The following TBX15 variants were observed in gnomAD, a reference collection of about 807,000 sequenced individuals.
TBX15 encodes T-box transcription factor TBX15.
A neutral mutation model predicts 53.9 loss-of-function variants in TBX15; 18 were observed. The observed-to-expected ratio is 0.33, with a 90% CI of 0.23 to 0.49. The LOEUF (loss-of-function observed/expected upper bound fraction) is 0.49, where lower values mean the gene tolerates loss of function less well. TBX15 is among the 20% of genes least tolerant of loss of function. The probability of loss-of-function intolerance (pLI) is 0.98; values close to 1 mark genes in which losing one functional copy is unlikely to be tolerated. For missense variants in TBX15, 692 were observed against 749.5 expected, an observed-to-expected ratio of 0.92 and a Z score of 0.90; for synonymous variants, 295 against 278.0, an observed-to-expected ratio of 1.06 and a Z score of -0.61.
intron 6 of TBX15, among the ~76,000 whole-genome samples, chr1:118,907,622 A>C (rs1208930888): frequency 6.6e-6 from 1 of 152,194 alleles, no homozygotes; most frequent in African/African-American, 2.4e-5. Context: ...AGCTGAGCAC[A>C]GTGGACTCTC....
chr1:118,912,054 C>G (rs1256052435), intron 6 of TBX15, among the ~76,000 whole-genome samples: 1 of 152,056 alleles, frequency 6.6e-6, no homozygotes, highest in Non-Finnish European at 1.5e-5. Flanking sequence ...AGGGTGGCTG[C>G]TCATAGGAAA....
chr1:118,893,466 A>G lies in TBX15; in HGVS notation c.1024+5562T>C, dbSNP rs1221958510. 1.2e-4 allele frequency among the ~76,000 whole-genome samples: 12 copies of G among 97,234 alleles called. No individual in the cohort carries two copies. The East Asian group carries it at 1.4e-3, about 12-fold the overall frequency. 63.8% of individuals were successfully genotyped at this position (97,234 alleles called of 152,430 possible). A position where few individuals can be genotyped will look rare whatever the true frequency, so the allele number is the denominator to read the frequency against. ...GAAGGAAAGAAGGAAGGAAGGAAAG[A>G]AAGGAAGGAAGGAAGGAAGGAAAGA... On this transcript the variant is annotated intron_variant, in intron 7 of 7. Coordinates refer to ENST00000369429, the MANE Select transcript of TBX15 (RefSeq NM_001330677.2).
At chr1:118,938,168 G>A (rs1166407847) in intron 1 of TBX15, among the ~76,000 whole-genome samples, 1 of 152,108 alleles carries the variant, frequency 6.6e-6, no homozygotes, top group Non-Finnish European at 1.5e-5. Flanking sequence ...AACCCGGGAT[G>A]GATTAAACTA....
intron 1 of TBX15, among the ~76,000 whole-genome samples, chr1:118,983,373 C>T (rs1055481759): frequency 6.6e-6 from 1 of 152,186 alleles, no homozygotes; most frequent in Non-Finnish European, 1.5e-5. Flanking sequence ...GCCACCGCGC[C>T]GGGGCCGGAG....
chr1:118,976,748 T>C (rs1474072516), intron 1 of TBX15, among the ~76,000 whole-genome samples: 1 of 152,192 alleles, frequency 6.6e-6, no homozygotes, highest in African/African-American at 2.4e-5. Flanking sequence ...GCTGTCAAAA[T>C]TCCTTTCGTC....
At chr1:118,970,130 C>T (rs533588744) in intron 1 of TBX15, among the ~76,000 whole-genome samples, 7 of 152,332 alleles carry the variant, frequency 4.6e-5, no homozygotes, top group African/African-American at 1.7e-4. Flanking sequence ...CTGAGGCTTC[C>T]CCAGCCATGC....
chr1:118,941,872 C>A (rs573208658), intron 1 of TBX15, among the ~76,000 whole-genome samples: 3 of 152,142 alleles, frequency 2.0e-5, no homozygotes, highest in Non-Finnish European at 2.9e-5. Flanking sequence ...AACCATCTAA[C>A]CTTAAGCAAG....
chr1:118,942,272 T>A (rs1260846581), intron 1 of TBX15, among the ~76,000 whole-genome samples: 1 of 152,246 alleles, frequency 6.6e-6, no homozygotes, highest in Non-Finnish European at 1.5e-5. Flanking sequence ...GCAATCTATG[T>A]CATCCTGACC....
intron 6 of TBX15, among the ~76,000 whole-genome samples, chr1:118,908,762 T>TCACA (rs375863799): frequency 3.3e-5 from 5 of 149,424 alleles, no homozygotes; most frequent in African/African-American, 4.9e-5. Flanking sequence ...TCTCTCTCTC[T>TCACA]CACACACACA....
intron 3 of TBX15, among the ~76,000 whole-genome samples, chr1:118,925,065 C>A (rs1164267544): frequency 6.6e-6 from 1 of 152,086 alleles, no homozygotes; most frequent in African/African-American, 2.4e-5. Flanking sequence ...GGTTAATGAT[C>A]AAATCTTCAG....
chr1:118,961,221 C>T (rs1656862306), intron 1 of TBX15, among the ~76,000 whole-genome samples: 1 of 152,162 alleles, frequency 6.6e-6, no homozygotes, highest in Admixed American at 6.5e-5. Context: ...ACACCCATCC[C>T]CCTGTGTTTC....
At chr1:118,949,383 A>G (rs1656443637) in intron 1 of TBX15, among the ~76,000 whole-genome samples, 1 of 152,254 alleles carries the variant, frequency 6.6e-6, no homozygotes, top group African/African-American at 2.4e-5. Flanking sequence ...AAATAAGGTC[A>G]TCATGTTAGC....
intron 1 of TBX15, among the ~76,000 whole-genome samples, chr1:118,932,583 G>C (rs989952599): frequency 2.6e-5 from 4 of 152,120 alleles, no homozygotes; most frequent in African/African-American, 9.7e-5. Context: ...TGAAGTATGG[G>C]CAGAGGGGAG....
intron 1 of TBX15, among the ~76,000 whole-genome samples, chr1:118,952,133 C>T (rs953029135): frequency 6.6e-6 from 1 of 152,190 alleles, no homozygotes; most frequent in African/African-American, 2.4e-5. Flanking sequence ...TGATAATCCA[C>T]GGCCACTTAA....
Position 118,926,621 on chromosome 1 carries a change from T to A in TBX15, c.420-10A>T, listed in dbSNP as rs1553222899. On this transcript the variant is annotated splice_polypyrimidine_tract_variant and intron_variant, in intron 2 of 7. Coordinates refer to ENST00000369429, the MANE Select transcript of TBX15 (RefSeq NM_001330677.2). ...GGCAGGAAACATCCTCCTATGAAGATGAATAAAACAGAAAGCTCAGAAATC... is the reference window on the plus strand; with the variant it reads ...GGCAGGAAACATCCTCCTATGAAGAAGAATAAAACAGAAAGCTCAGAAATC... The A allele has an allele frequency of 3.1e-6, 5 of 1,610,488 alleles. No homozygotes were observed. Among genetic ancestry groups the A allele is most frequent in the Admixed American group, 1.7e-5 (1 of 59,938 alleles).
intron 2 of TBX15, among the ~76,000 whole-genome samples, chr1:118,931,235 C>T (rs1241543452): frequency 6.6e-6 from 1 of 152,202 alleles, no homozygotes; most frequent in Admixed American, 6.5e-5. Flanking sequence ...AGCATTGTTG[C>T]TTTAAATACT....
intron 1 of TBX15, among the ~76,000 whole-genome samples, chr1:118,982,874 A>C (rs1206476328): frequency 6.6e-6 from 1 of 152,210 alleles, no homozygotes; most frequent in African/African-American, 2.4e-5. Context: ...TATACAAATC[A>C]AGATACCCAA....
In TBX15 at chr1:118,883,411, A is replaced by G. The variant is rs1437844800; in HGVS notation, c.*1321T>C. On this transcript the variant is annotated 3_prime_UTR_variant, in exon 8 of 8. Coordinates refer to ENST00000369429, the MANE Select transcript of TBX15 (RefSeq NM_001330677.2). ...CCAAAACTTCAAAATGCAATGTACT[A>G]TTTGATAAAAATGGAGATCTAAGGG... 6.6e-6 allele frequency: 1 copy of G among 152,542 alleles called. No homozygotes were observed. The highest frequency in any genetic ancestry group is 1.5e-5 in the Non-Finnish European group (1 of 68,044). The allele number at this position is 152,542 out of a possible 1,614,324, so 9.4% of individuals were successfully genotyped here.
At chr1:118,975,507 A>G (rs1657394191) in intron 1 of TBX15, among the ~76,000 whole-genome samples, 1 of 152,230 alleles carries the variant, frequency 6.6e-6, no homozygotes, top group South Asian at 2.1e-4. Flanking sequence ...CAGGGCAGGC[A>G]ATATAATCTA....
Sources: allele counts gnomAD v4.1 joint callset (sites outside exome capture counted in the v4.1 genomes callset), GRCh38; gene constraint gnomAD v4.1.1; transcripts MANE v1.5; gene names NCBI Gene and HGNC (gene_info 2026-07-23, HGNC 2026-07-21).